DLG2: variants seen among roughly 807,000 people sequenced by gnomAD.
DLG2 encodes disks large homolog 2.
Under a neutral mutation model 132.5 loss-of-function variants are expected in DLG2, and 45 were observed. The observed-to-expected ratio is 0.34, with a 90% CI of 0.27 to 0.44. The LOEUF is 0.44. Ranked by LOEUF, DLG2 falls within the 20% of genes least tolerant of loss-of-function variation. DLG2 has a pLI of 1.00. For missense variants in DLG2, 1,045 were observed against 1,196.9 expected (o/e 0.87, Z 1.87); for synonymous variants, 424 against 419.6 (o/e 1.01, Z -0.13).
chr11:83,862,590 T>A (rs1460206350), intron 16 of DLG2, among the ~76,000 whole-genome samples: 1 of 152,034 alleles, frequency 6.6e-6, no homozygotes, highest in Non-Finnish European at 1.5e-5. Flanking sequence ...TAAAAATAAT[T>A]AAAGTGCATA....
chr11:84,366,947 C>T (rs1443215817), intron 7 of DLG2, among the ~76,000 whole-genome samples: 1 of 152,126 alleles, frequency 6.6e-6, no homozygotes. Flanking sequence ...GAACTCATCT[C>T]TGCACCAAGT....
At chr11:83,651,315 T>A (rs998648902) in intron 18 of DLG2, among the ~76,000 whole-genome samples, 1 of 152,182 alleles carries the variant, frequency 6.6e-6, no homozygotes, top group Admixed American at 6.5e-5. Context: ...CATTTCTGAG[T>A]TGGAAATAAT....
At chr11:85,385,311 A>G (rs1331075036) in intron 3 of DLG2, among the ~76,000 whole-genome samples, 2 of 152,248 alleles carry the variant, frequency 1.3e-5, no homozygotes, top group Non-Finnish European at 2.9e-5. Context: ...AGGTTGAAGC[A>G]TATACCACTG....
intron 18 of DLG2, chr11:83,725,054 C>A: frequency 1.7e-6 from 1 of 584,232 alleles, no homozygotes; most frequent in Non-Finnish European, 3.1e-6. Context: ...AGGCTAGTGG[C>A]AGAGCTAGTT....
At chr11:83,988,979 T>C (rs776861879) in intron 11 of DLG2, among the ~76,000 whole-genome samples, 1 of 152,164 alleles carries the variant, frequency 6.6e-6, no homozygotes, top group Non-Finnish European at 1.5e-5. Context: ...TTTGGTCTAT[T>C]TTGTACTATG....
chr11:83,819,048 T>C (rs2049934214), intron 17 of DLG2, among the ~76,000 whole-genome samples: 1 of 152,060 alleles, frequency 6.6e-6, no homozygotes, highest in South Asian at 2.1e-4. Flanking sequence ...AGAAACAGTG[T>C]GATTTTTTCT....
chr11:84,778,979 C>T (rs1396584456), intron 6 of DLG2, among the ~76,000 whole-genome samples: 1 of 152,110 alleles, frequency 6.6e-6, no homozygotes, highest in Non-Finnish European at 1.5e-5. Flanking sequence ...ACTCTTGAAC[C>T]TACGCCAGTG....
At chr11:84,976,978 A>G (rs933161403) in intron 6 of DLG2, among the ~76,000 whole-genome samples, 1 of 152,122 alleles carries the variant, frequency 6.6e-6, no homozygotes, top group Non-Finnish European at 1.5e-5. Flanking sequence ...AAACTACCCA[A>G]TTCCTCTACA....
chr11:85,535,720 C>T (rs1048112425), intron 3 of DLG2, among the ~76,000 whole-genome samples: 21 of 152,052 alleles, frequency 1.4e-4, no homozygotes, highest in Admixed American at 6.6e-4. Context: ...AGCCAAAATA[C>T]GGGAATAACC....
intron 19 of DLG2, among the ~76,000 whole-genome samples, chr11:83,611,458 G>A (rs956780378): frequency 2.0e-5 from 3 of 152,094 alleles, no homozygotes; most frequent in Non-Finnish European, 2.9e-5. Flanking sequence ...AACAAACATC[G>A]TGTGATGACT....
intron 9 of DLG2, among the ~76,000 whole-genome samples, chr11:84,107,598 T>A (rs1025738157): frequency 6.6e-6 from 1 of 152,046 alleles, no homozygotes; most frequent in Non-Finnish European, 1.5e-5. Context: ...AAAAAATAAG[T>A]TCGCTTTTGA....
intron 5 of DLG2, among the ~76,000 whole-genome samples, chr11:85,148,081 T>C (rs2076980448): frequency 6.6e-6 from 1 of 152,206 alleles, no homozygotes; most frequent in Non-Finnish European, 1.5e-5. Context: ...AAAGACATTA[T>C]CTCATTCCTT....
chr11:83,557,901 G>C (rs1267681393), intron 19 of DLG2, among the ~76,000 whole-genome samples: 1 of 152,112 alleles, frequency 6.6e-6, no homozygotes, highest in East Asian at 1.9e-4. Context: ...GCCTAGGACA[G>C]ATTTAGATCA....
intron 6 of DLG2, among the ~76,000 whole-genome samples, chr11:84,888,117 C>G (rs2088649617): frequency 6.6e-6 from 1 of 152,062 alleles, no homozygotes; most frequent in African/African-American, 2.4e-5. Context: ...AGAAATTTCT[C>G]TTTGTGATAG....
At chr11:84,628,374 A>T (rs888900177) in intron 6 of DLG2, among the ~76,000 whole-genome samples, 20 of 152,128 alleles carry the variant, frequency 1.3e-4, no homozygotes, top group Admixed American at 9.2e-4. Context: ...GCAATGCAAA[A>T]ATCAAAAGGT....
intron 15 of DLG2, among the ~76,000 whole-genome samples, chr11:83,876,303 T>C (rs2154069546): frequency 6.6e-6 from 1 of 152,278 alleles, no homozygotes; most frequent in Admixed American, 6.5e-5. Flanking sequence ...GAGCGTGTAC[T>C]TTGAGATGTT....
chr11:85,093,737 T>A (rs2069231575), intron 6 of DLG2, among the ~76,000 whole-genome samples: 1 of 152,190 alleles, frequency 6.6e-6, no homozygotes, highest in African/African-American at 2.4e-5. Flanking sequence ...CCATGTTCAG[T>A]TACCCCCGAC....
At chr11:85,455,214 A>G (rs1405713162) in intron 3 of DLG2, among the ~76,000 whole-genome samples, 2 of 152,104 alleles carry the variant, frequency 1.3e-5, no homozygotes, top group African/African-American at 4.8e-5. Context: ...AGCGTTTTGT[A>G]ATTGTCCTTG....
At chr11:83,772,954 T>C (rs924099987) in intron 18 of DLG2, among the ~76,000 whole-genome samples, 2 of 152,204 alleles carry the variant, frequency 1.3e-5, no homozygotes, top group Non-Finnish European at 2.9e-5. Flanking sequence ...TTTAATATTA[T>C]TTTGATTTTT....
Sources: allele counts gnomAD v4.1 joint callset (sites outside exome capture counted in the v4.1 genomes callset), GRCh38; gene constraint gnomAD v4.1.1; transcripts MANE v1.5; gene names NCBI Gene and HGNC (gene_info 2026-07-23, HGNC 2026-07-21).